Variants in CFAP54 observed in about 807,000 individuals in gnomAD.
The protein encoded by CFAP54 is cilia- and flagella-associated protein 54.
Under a neutral mutation model 370.4 loss-of-function variants are expected in CFAP54, and 290 were observed. The ratio of observed to expected loss-of-function variants is 0.78; its 90% CI spans 0.71 to 0.86. The LOEUF (loss-of-function observed/expected upper bound fraction) is 0.86, where lower values mean the gene tolerates loss of function less well. Ranked by LOEUF, CFAP54 falls within the 40% of genes least tolerant of loss-of-function variation. The probability of loss-of-function intolerance (pLI) is 0.00; values close to 1 mark genes in which losing one functional copy is unlikely to be tolerated. For synonymous variants in CFAP54, 1,206 were observed against 1,236.5 expected (o/e 0.98, Z 0.52); for missense variants, 3,399 against 3,528.7 (o/e 0.96, Z 0.93).
chr12:96,566,342 C>G (rs1049644753), intron 19 of CFAP54, among the ~76,000 whole-genome samples: 1 of 152,128 alleles, frequency 6.6e-6, no homozygotes, highest in African/African-American at 2.4e-5. Flanking sequence ...AGTAAAGGGA[C>G]TGGCCAGCAT....
At chr12:96,818,533 A>C (rs1959000112) in intron 65 of CFAP54, among the ~76,000 whole-genome samples, 1 of 152,206 alleles carries the variant, frequency 6.6e-6, no homozygotes, top group Non-Finnish European at 1.5e-5. Flanking sequence ...AAAGCTGATT[A>C]GTGAACTTGG....
intron 4 of CFAP54, among the ~76,000 whole-genome samples, chr12:96,512,139 G>A (rs1451803554): frequency 2.6e-5 from 4 of 151,618 alleles, no homozygotes; most frequent in Non-Finnish European, 5.9e-5. Flanking sequence ...TGTTATATGA[G>A]TCTGAGAGTG....
chr12:96,872,293 A>G (rs1308639496), intron 67 of CFAP54, among the ~76,000 whole-genome samples: 1 of 152,148 alleles, frequency 6.6e-6, no homozygotes, highest in Non-Finnish European at 1.5e-5. Flanking sequence ...AAAAGTGCTG[A>G]AAGAAAAAAA....
intron 26 of CFAP54, among the ~76,000 whole-genome samples, chr12:96,600,429 A>C (rs1432371816): frequency 6.6e-6 from 1 of 152,196 alleles, no homozygotes; most frequent in Non-Finnish European, 1.5e-5. Flanking sequence ...TGATGCCTCC[A>C]GCTTTGTTCT....
intron 63 of CFAP54, among the ~76,000 whole-genome samples, chr12:96,804,282 T>A (rs1958853708): frequency 6.6e-6 from 1 of 152,160 alleles, no homozygotes; most frequent in Non-Finnish European, 1.5e-5. Flanking sequence ...CTGGAATTTC[T>A]CACCACAGCT....
intron 27 of CFAP54, 75 bp downstream of exon 27, chr12:96,621,796 C>A: frequency 8.3e-6 from 8 of 961,836 alleles, no homozygotes; most frequent in East Asian, 5.9e-5. Context: ...TATTATTAAA[C>A]ATATTAGAAA....
At chr12:96,723,288 A>T (rs1592725961) in intron 50 of CFAP54, among the ~76,000 whole-genome samples, 1 of 152,326 alleles carries the variant, frequency 6.6e-6, no homozygotes, top group East Asian at 1.9e-4. Flanking sequence ...GTATAAATAG[A>T]TGGAAGAGAG....
chr12:96,690,046 C>T (rs989088704), intron 43 of CFAP54, among the ~76,000 whole-genome samples: 1 of 152,164 alleles, frequency 6.6e-6, no homozygotes, highest in Non-Finnish European at 1.5e-5. Flanking sequence ...TGACTTCTTA[C>T]GTCGCATTCT....
chr12:96,576,229 G>A (rs964978169), intron 19 of CFAP54, among the ~76,000 whole-genome samples: 25 of 151,880 alleles, frequency 1.6e-4, no homozygotes, highest in African/African-American at 6.0e-4. Context: ...TAATTCATCA[G>A]CATAAATGCA....
chr12:96,857,973 T>C (rs1241614568), intron 66 of CFAP54, among the ~76,000 whole-genome samples: 4 of 152,188 alleles, frequency 2.6e-5, no homozygotes, highest in African/African-American at 9.6e-5. Context: ...TGTGTGCACA[T>C]GTCTGAAGTC....
At chr12:96,510,550 T>C (rs1284771775) in intron 4 of CFAP54, among the ~76,000 whole-genome samples, 1 of 152,220 alleles carries the variant, frequency 6.6e-6, no homozygotes, top group African/African-American at 2.4e-5. Context: ...GGCATGTTTA[T>C]ACAGGCTCCT....
chr12:96,645,315 A>G (rs892817606), intron 33 of CFAP54: 2 of 339,120 alleles, frequency 5.9e-6, no homozygotes, highest in Middle Eastern at 1.1e-3. Context: ...ACAGACAAAC[A>G]AAGAGCCAAA....
chr12:96,809,186 T>G (rs1229125897), intron 63 of CFAP54, among the ~76,000 whole-genome samples: 1 of 152,180 alleles, frequency 6.6e-6, no homozygotes, highest in Non-Finnish European at 1.5e-5. Flanking sequence ...TCTGTTGTGC[T>G]GGATATTTAG....
chr12:96,640,913 AC>A (rs558117772), intron 32 of CFAP54, among the ~76,000 whole-genome samples: 32 of 152,188 alleles, frequency 2.1e-4, no homozygotes, highest in Non-Finnish European at 3.4e-4. Context: ...TACACCTTAT[AC>A]AAAAATTAAT....
intron 50 of CFAP54, among the ~76,000 whole-genome samples, chr12:96,721,911 G>A (rs915002079): frequency 6.6e-6 from 1 of 152,264 alleles, no homozygotes; most frequent in East Asian, 1.9e-4. Flanking sequence ...GAGGTTGGAG[G>A]GGGACGAGTT....
At chr12:96,792,288 T>G in intron 62 of CFAP54, 41 bp from the exon 63 acceptor site, 1 of 1,424,758 alleles carries the variant, frequency 7.0e-7, no homozygotes, top group Non-Finnish European at 9.2e-7. Flanking sequence ...GTAACAAATT[T>G]ATTACCAGTA....
chr12:96,573,839 A>G (rs533202649), intron 19 of CFAP54, among the ~76,000 whole-genome samples: 5 of 152,294 alleles, frequency 3.3e-5, no homozygotes, highest in African/African-American at 1.2e-4. Context: ...CATGGTTACC[A>G]TGTAACACTT....
At chr12:96,701,052 A>G (rs1424732857) in intron 46 of CFAP54, among the ~76,000 whole-genome samples, 2 of 152,200 alleles carry the variant, frequency 1.3e-5, no homozygotes, top group Non-Finnish European at 2.9e-5. Context: ...CTACAGCATT[A>G]TAATTTATTG....
At chr12:96,821,455 C>A (rs1959033274) in intron 65 of CFAP54, among the ~76,000 whole-genome samples, 1 of 151,982 alleles carries the variant, frequency 6.6e-6, no homozygotes, top group Non-Finnish European at 1.5e-5. Context: ...TCTTAATGTT[C>A]TTCTTTGTGT....
Sources: gnomAD v4.1 joint callset for allele counts (sites outside exome capture counted in the v4.1 genomes callset) on GRCh38, gnomAD v4.1.1 for gene constraint, MANE v1.5 for transcripts, NCBI Gene and HGNC (gene_info 2026-07-23, HGNC 2026-07-21) for gene names.